KCNQ5: variants seen among roughly 807,000 people sequenced by gnomAD.
KCNQ5 encodes the protein potassium voltage-gated channel subfamily KQT member 5.
KCNQ5 carries 30 observed loss-of-function variants against 98.2 expected under a neutral mutation model. The observed-to-expected ratio is 0.31, with a 90% CI of 0.23 to 0.41. The LOEUF is 0.41. Among genes scored for constraint, KCNQ5 ranks in the 10% least tolerant of loss-of-function variants. The pLI is 1.00. For missense variants in KCNQ5, 835 were observed against 1,182.5 expected (o/e 0.71, Z 4.31); for synonymous variants, 458 against 449.4 (o/e 1.02, Z -0.24).
At chr6:73,119,966 A>G (rs1358004620) in intron 7 of KCNQ5, among the ~76,000 whole-genome samples, 1 of 152,008 alleles carries the variant, frequency 6.6e-6, no homozygotes, top group Non-Finnish European at 1.5e-5. Flanking sequence ...GGCCAGGCAC[A>G]GTGGTTCATA....
chr6:73,192,262 A>ATT (rs1765619931), intron 12 of KCNQ5, among the ~76,000 whole-genome samples: 1 of 152,224 alleles, frequency 6.6e-6, no homozygotes, highest in African/African-American at 2.4e-5. Context: ...ATATTTTGAA[A>ATT]TGGTTAAATT....
intron 2 of KCNQ5, among the ~76,000 whole-genome samples, chr6:73,013,506 A>G (rs1203610531): frequency 6.6e-6 from 1 of 152,174 alleles, no homozygotes; most frequent in African/African-American, 2.4e-5. Context: ...GATTCCATCA[A>G]AAATGAAAGG....
intron 1 of KCNQ5, among the ~76,000 whole-genome samples, chr6:72,821,868 A>C (rs1775767839): frequency 6.6e-6 from 1 of 152,008 alleles, no homozygotes; most frequent in African/African-American, 2.4e-5. Context: ...AGTGATTTCT[A>C]GTTTTTCTCT....
chr6:72,803,962 A>G (rs1774810416), intron 1 of KCNQ5, among the ~76,000 whole-genome samples: 1 of 152,216 alleles, frequency 6.6e-6, no homozygotes, highest in African/African-American at 2.4e-5. Context: ...AGACTCTTGA[A>G]TATAAGCTTG....
Position 73,063,686 on chromosome 6 carries a change from T to TGATA in KCNQ5, c.617-13604_617-13601dup, listed in dbSNP as rs1554203586. 1.8e-3 allele frequency among the ~76,000 whole-genome samples: 167 copies of TGATA among 93,256 alleles called. 3 individuals carry two copies. Among genetic ancestry groups the TGATA allele is most frequent in the African/African-American group, 6.0e-3 (151 of 25,186 alleles). 61.2% of individuals were successfully genotyped at this position (93,256 alleles called of 152,430 possible). A position where few individuals can be genotyped will look rare whatever the true frequency, so the allele number is the denominator to read the frequency against. On this transcript the variant is annotated intron_variant, in intron 3 of 13. Coordinates refer to ENST00000370398, the MANE Select transcript of KCNQ5 (RefSeq NM_019842.4). ...GATAGATGATAGATAGATAGATAGA[T>TGATA]GATAGATAGATAGATAGATAGATAG... is the stretch of plus-strand genomic sequence containing the variant.
intron 10 of KCNQ5, among the ~76,000 whole-genome samples, chr6:73,150,330 C>T (rs184793141): frequency 4.0e-5 from 6 of 151,444 alleles, no homozygotes; most frequent in East Asian, 1.9e-4. Context: ...ATTTTATTCT[C>T]GGGTATTTAG....
intron 3 of KCNQ5, among the ~76,000 whole-genome samples, chr6:73,063,686 TGATAGATA>T (rs1554203586): frequency 2.9e-4 from 27 of 93,284 alleles, no homozygotes; most frequent in African/African-American, 9.1e-4. Flanking sequence ...GATAGATAGA[TGATAGATA>T]GATAGATAGA....
At chr6:72,870,237 G>A (rs1778148031) in intron 1 of KCNQ5, among the ~76,000 whole-genome samples, 1 of 151,864 alleles carries the variant, frequency 6.6e-6, no homozygotes, top group Non-Finnish European at 1.5e-5. Context: ...TGGCTCCTTG[G>A]GTGATGTATT....
chr6:73,021,311 C>A (rs574484479), intron 2 of KCNQ5, among the ~76,000 whole-genome samples: 3 of 152,276 alleles, frequency 2.0e-5, no homozygotes, highest in Admixed American at 1.3e-4. Context: ...TGTTAGTAGT[C>A]TATGTATTTC....
chr6:73,137,012 A>G (rs907282105), intron 10 of KCNQ5, among the ~76,000 whole-genome samples: 2 of 152,210 alleles, frequency 1.3e-5, no homozygotes, highest in African/African-American at 4.8e-5. Flanking sequence ...TAAAAGAAAG[A>G]ATAATGGAAA....
At chr6:72,876,774 A>T (rs1008270817) in intron 1 of KCNQ5, among the ~76,000 whole-genome samples, 1 of 152,230 alleles carries the variant, frequency 6.6e-6, no homozygotes, top group Non-Finnish European at 1.5e-5. Flanking sequence ...CAGAAGCAAA[A>T]TAACCATCTC....
At chr6:72,816,208 T>A (rs1325297882) in intron 1 of KCNQ5, among the ~76,000 whole-genome samples, 1 of 152,064 alleles carries the variant, frequency 6.6e-6, no homozygotes, top group African/African-American at 2.4e-5. Context: ...AGATGCTGAA[T>A]TTGATGACTA....
chr6:72,761,116 T>C (rs1035729364), intron 1 of KCNQ5, among the ~76,000 whole-genome samples: 20 of 152,148 alleles, frequency 1.3e-4, no homozygotes, highest in South Asian at 6.2e-4. Context: ...CATTGTGAAG[T>C]TAACCCTTAG....
intron 2 of KCNQ5, among the ~76,000 whole-genome samples, chr6:73,004,635 T>C (rs975088609): frequency 1.4e-4 from 21 of 152,240 alleles, no homozygotes; most frequent in African/African-American, 4.3e-4. Context: ...AGAATTATTC[T>C]GAGCCTTTTA....
At chr6:73,106,575 G>C (rs528112799) in intron 6 of KCNQ5, among the ~76,000 whole-genome samples, 9 of 152,210 alleles carry the variant, frequency 5.9e-5, no homozygotes, top group African/African-American at 2.2e-4. Flanking sequence ...TTCTTCCTGT[G>C]TCTTCACATC....
chr6:73,167,998 T>C (rs1177698757), intron 10 of KCNQ5, among the ~76,000 whole-genome samples: 2 of 152,142 alleles, frequency 1.3e-5, no homozygotes, highest in Non-Finnish European at 2.9e-5. Context: ...AATAACACTA[T>C]TATTATCATT....
At chr6:73,021,706 T>C (rs1422831071) in intron 2 of KCNQ5, among the ~76,000 whole-genome samples, 1 of 152,204 alleles carries the variant, frequency 6.6e-6, no homozygotes, top group Non-Finnish European at 1.5e-5. Context: ...AATAAATTAG[T>C]ATATAGGTTC....
chr6:72,665,593 C>T (rs944347794), intron 1 of KCNQ5, among the ~76,000 whole-genome samples: 2 of 152,184 alleles, frequency 1.3e-5, no homozygotes, highest in Non-Finnish European at 2.9e-5. Context: ...AATCAGGACT[C>T]ACATGGGGGC....
chr6:72,748,366 A>G (rs1422558093), intron 1 of KCNQ5, among the ~76,000 whole-genome samples: 3 of 152,132 alleles, frequency 2.0e-5, no homozygotes, highest in African/African-American at 7.2e-5. Context: ...AAAGTATTCC[A>G]TAAAACAACC....
Sources: allele counts gnomAD v4.1 joint callset (sites outside exome capture counted in the v4.1 genomes callset), GRCh38; gene constraint gnomAD v4.1.1; transcripts MANE v1.5; gene names NCBI Gene and HGNC (gene_info 2026-07-23, HGNC 2026-07-21).